GNAQ: variants seen among roughly 807,000 people sequenced by gnomAD.
The protein encoded by GNAQ is G protein subunit alpha q, also known as guanine nucleotide-binding protein G(q) subunit alpha.
GNAQ carries 8 observed loss-of-function variants against 43.9 expected under a neutral mutation model. The observed-to-expected ratio is 0.18, with a 90% CI of 0.11 to 0.33. The LOEUF (loss-of-function observed/expected upper bound fraction) is 0.33, where lower values mean the gene tolerates loss of function less well. Ranked by LOEUF, GNAQ falls within the 10% of genes least tolerant of loss-of-function variation. The probability of loss-of-function intolerance (pLI) is 1.00; values close to 1 mark genes in which losing one functional copy is unlikely to be tolerated. For synonymous variants in GNAQ, 155 were observed against 170.7 expected, an observed-to-expected ratio of 0.91 and a Z score of 0.71; for missense variants, 158 against 450.8, an observed-to-expected ratio of 0.35 and a Z score of 5.88.
At chr9:77,745,943 A>C (rs1825721675) in intron 5 of GNAQ, among the ~76,000 whole-genome samples, 1 of 152,100 alleles carries the variant, frequency 6.6e-6, no homozygotes, top group South Asian at 2.1e-4. Context: ...GAATACCTAT[A>C]CCAAAAGAGA....
chr9:77,916,813 G>A (rs1302699019), intron 2 of GNAQ, among the ~76,000 whole-genome samples: 1 of 151,722 alleles, frequency 6.6e-6, no homozygotes, highest in Non-Finnish European at 1.5e-5. Flanking sequence ...AAGGTGAGGC[G>A]GAGTTCTCTT....
At chr9:77,890,609 G>A (rs1828389033) in intron 2 of GNAQ, among the ~76,000 whole-genome samples, 2 of 152,148 alleles carry the variant, frequency 1.3e-5, no homozygotes, top group African/African-American at 4.8e-5. Context: ...TGTAATCCCA[G>A]CTACTTGGGA....
intron 5 of GNAQ, among the ~76,000 whole-genome samples, chr9:77,774,691 A>G (rs997125722): frequency 2.7e-4 from 41 of 152,164 alleles, no homozygotes; most frequent in African/African-American, 9.2e-4. Flanking sequence ...TCCAACTCCT[A>G]GCCTGAAGTC....
intron 1 of GNAQ, among the ~76,000 whole-genome samples, chr9:77,935,266 G>A (rs1470851957): frequency 6.6e-6 from 1 of 152,116 alleles, no homozygotes; most frequent in Non-Finnish European, 1.5e-5. Flanking sequence ...CTCTTGGGGG[G>A]AAATGTTGAT....
At position 77,863,179 on chromosome 9, in the gene GNAQ, AAAGGAAGG is replaced by A. The variant is rs750178023; in HGVS notation, c.322-47417_322-47410del. The stretch of plus-strand genomic sequence containing the variant: ...ACAAGAATGAAACTCCGTATGAAAG[AAAGGAAGG>A]AAGGAAGGAAGGAAGGAAGGAAGGA... On this transcript the variant is annotated intron_variant, in intron 2 of 6. Coordinates refer to ENST00000286548, the MANE Select transcript of GNAQ (RefSeq NM_002072.5). Among the ~76,000 whole-genome samples the A allele has an allele frequency of 4.6e-3, 597 of 130,114 alleles. 3 individuals carry two copies. Among genetic ancestry groups the A allele is most frequent in the African/African-American group, 0.016 (536 of 33,876 alleles). 85.4% of individuals were successfully genotyped at this position (130,114 alleles called of 152,430 possible).
At chr9:77,832,289 T>C (rs1313862075) in intron 2 of GNAQ, among the ~76,000 whole-genome samples, 1 of 152,204 alleles carries the variant, frequency 6.6e-6, no homozygotes, top group Non-Finnish European at 1.5e-5. Flanking sequence ...TAAATCCAGA[T>C]GTCCAGTAAC....
intron 5 of GNAQ, among the ~76,000 whole-genome samples, chr9:77,792,986 T>C (rs114952689): frequency 0.012 from 1,857 of 152,200 alleles, 38 homozygotes; most frequent in African/African-American, 0.041. Flanking sequence ...GATACTCTGG[T>C]ACCCAGCATA....
rs552474225 is a variant in GNAQ, at chr9:77,951,559, T to C, written c.137-29214A>G. Among the ~76,000 whole-genome samples the C allele has an allele frequency of 2.0e-5, 3 of 152,342 alleles. No individual in the cohort carries two copies. In the East Asian group the frequency reaches 5.8e-4, roughly 29 times the overall value. On this transcript the variant is annotated intron_variant, in intron 1 of 6. Coordinates refer to ENST00000286548, the MANE Select transcript of GNAQ (RefSeq NM_002072.5). ...TTAGTCAACTTTATAGTTTATTTAC[T>C]TAGCTGTGTACCTAAAAATGTAATC...
intron 1 of GNAQ, among the ~76,000 whole-genome samples, chr9:77,944,961 G>A (rs1415702611): frequency 6.6e-6 from 1 of 152,196 alleles, no homozygotes; most frequent in Non-Finnish European, 1.5e-5. Flanking sequence ...AACACCAGGG[G>A]TCTCAACCCA....
chr9:78,013,810 T>C (rs980589172), intron 1 of GNAQ, among the ~76,000 whole-genome samples: 3 of 152,188 alleles, frequency 2.0e-5, no homozygotes, highest in South Asian at 2.1e-4. Flanking sequence ...GTAAATAAAA[T>C]TGTATTTGAA....
At chr9:77,936,004 A>T (rs986736263) in intron 1 of GNAQ, among the ~76,000 whole-genome samples, 9 of 152,210 alleles carry the variant, frequency 5.9e-5, no homozygotes, top group African/African-American at 2.2e-4. Flanking sequence ...CTTGAAATGT[A>T]TAACAAGCAG....
chr9:77,859,525 C>T (rs750610081), intron 2 of GNAQ, among the ~76,000 whole-genome samples: 2 of 152,128 alleles, frequency 1.3e-5, no homozygotes, highest in African/African-American at 2.4e-5. Flanking sequence ...AGAATTATCT[C>T]CATTAGCGTA....
Position 77,816,614 on chromosome 9 carries a change from T to C in GNAQ, c.322-844A>G, listed in dbSNP as rs575215253. ...TGCAATATATATATATACACACACA[T>C]ATATATATACACACACAAAGTATAT... On this transcript the variant is annotated intron_variant, in intron 2 of 6. Coordinates refer to ENST00000286548, the MANE Select transcript of GNAQ (RefSeq NM_002072.5). 9.9e-5 allele frequency among the ~76,000 whole-genome samples: 15 copies of C among 152,112 alleles called. No individual in the cohort carries two copies. The East Asian group carries it at 1.9e-3, about 20-fold the overall frequency.
At chr9:77,940,572 C>G (rs1189331584) in intron 1 of GNAQ, among the ~76,000 whole-genome samples, 2 of 151,930 alleles carry the variant, frequency 1.3e-5, no homozygotes, top group Non-Finnish European at 2.9e-5. Flanking sequence ...GAGACCCTGT[C>G]TCTTAAAAAA....
chr9:77,886,838 C>T (rs1309555233), intron 2 of GNAQ, among the ~76,000 whole-genome samples: 3 of 151,698 alleles, frequency 2.0e-5, no homozygotes, highest in Non-Finnish European at 4.4e-5. Context: ...CAGCCGGGCA[C>T]GGTGGCTCAT....
intron 1 of GNAQ, among the ~76,000 whole-genome samples, chr9:77,959,780 G>A (rs1025444955): frequency 1.3e-5 from 2 of 151,876 alleles, no homozygotes; most frequent in African/African-American, 4.8e-5. Context: ...CTTTCCAAAC[G>A]ACTGCTACAA....
intron 3 of GNAQ, among the ~76,000 whole-genome samples, chr9:77,799,815 T>C (rs551384236): frequency 5.3e-5 from 8 of 152,342 alleles, no homozygotes; most frequent in South Asian, 2.1e-4. Flanking sequence ...CCCTGATACA[T>C]TGATGATTCT....
intron 1 of GNAQ, among the ~76,000 whole-genome samples, chr9:77,982,210 G>GT (rs1180139526): frequency 1.3e-5 from 2 of 152,208 alleles, no homozygotes; most frequent in Non-Finnish European, 2.9e-5. Context: ...TGGCAAAGCA[G>GT]TATCACTATT....
At chr9:77,932,269 T>C (rs971838964) in intron 1 of GNAQ, among the ~76,000 whole-genome samples, 2 of 152,210 alleles carry the variant, frequency 1.3e-5, no homozygotes, top group Non-Finnish European at 2.9e-5. Context: ...GAATTGTTTA[T>C]TCTTAATTTT....
Sources: allele counts gnomAD v4.1 joint callset (sites outside exome capture counted in the v4.1 genomes callset), GRCh38; gene constraint gnomAD v4.1.1; transcripts MANE v1.5; gene names NCBI Gene and HGNC (gene_info 2026-07-23, HGNC 2026-07-21).